The following KIF5C variants were observed in gnomAD, a reference collection of about 807,000 sequenced individuals.
The protein encoded by KIF5C is kinesin family member 5C, also known as kinesin heavy chain isoform 5C.
A neutral mutation model predicts 125.2 loss-of-function variants in KIF5C; 18 were observed. The observed-to-expected ratio is 0.14, with a 90% confidence interval of 0.10 to 0.21. The LOEUF is 0.21. KIF5C is among the 10% of genes least tolerant of loss of function. The probability of loss-of-function intolerance (pLI) is 1.00; values close to 1 mark genes in which losing one functional copy is unlikely to be tolerated. For synonymous variants in KIF5C, 405 were observed against 434.0 expected (o/e 0.93, Z 0.83); for missense variants, 780 against 1,183.8 (o/e 0.66, Z 5.01).
chr2:148,922,057 A>T (rs77279321), intron 1 of KIF5C, 80 bp from the exon 2 acceptor site: 21 of 896,746 alleles, frequency 2.3e-5, no homozygotes, highest in Non-Finnish European at 3.3e-5. Context: ...TGGCCTAGCT[A>T]CTAATGTTTG....
At position 148,875,603 on chromosome 2, in the gene KIF5C, C is replaced by A; in HGVS notation, c.-15C>A. On this transcript the variant is annotated 5_prime_UTR_variant, in exon 1 of 26. Transcript: ENST00000435030. ...CCCCACCCATCCCCGTGCCCCCTCC[C>A]TACCGCCGGCCGAGATGGCGGATCC... The A allele has an allele frequency of 6.5e-7, 1 of 1,540,112 alleles. No individual in the cohort carries two copies. The highest frequency in any genetic ancestry group is 2.5e-5 in the East Asian group (1 of 40,366).
intron 1 of KIF5C, 123 bp downstream of exon 1, chr2:148,875,866 G>T (rs1179647070): frequency 3.6e-6 from 5 of 1,374,514 alleles, no homozygotes; most frequent in Admixed American, 2.6e-5. Flanking sequence ...CTGGCCTCTC[G>T]GGTGGACCTG....
intron 15 of KIF5C, among the ~76,000 whole-genome samples, chr2:148,988,252 C>T (rs1160703995): frequency 6.6e-6 from 1 of 151,820 alleles, no homozygotes; most frequent in Non-Finnish European, 1.5e-5. Flanking sequence ...AGAAACCTCA[C>T]AGTTAAAACC....
At chr2:148,886,650 T>G (rs1487867846) in intron 1 of KIF5C, among the ~76,000 whole-genome samples, 3 of 152,192 alleles carry the variant, frequency 2.0e-5, no homozygotes, top group Non-Finnish European at 4.4e-5. Context: ...GTCATCATGA[T>G]AGCATCAAAT....
At chr2:148,957,598 A>C (rs1011514289) in intron 10 of KIF5C, among the ~76,000 whole-genome samples, 3 of 109,160 alleles carry the variant, frequency 2.7e-5, no homozygotes, top group Admixed American at 2.1e-4. Context: ...CTAGTAAAAA[A>C]AAAAAAAAAA....
At chr2:148,975,017 G>A (rs1254387309) in intron 12 of KIF5C, among the ~76,000 whole-genome samples, 1 of 152,250 alleles carries the variant, frequency 6.6e-6, no homozygotes, top group Non-Finnish European at 1.5e-5. Flanking sequence ...TCAGTTGGTA[G>A]CTGAAGAGCT....
chr2:148,997,437 T>C, intron 18 of KIF5C, 97 bp downstream of exon 18: 6 of 1,578,574 alleles, frequency 3.8e-6, no homozygotes, highest in Non-Finnish European at 4.3e-6. Context: ...TTCAGATCCG[T>C]ATATGGCAAG....
At chr2:148,980,450 C>T (rs113911286) in intron 13 of KIF5C, among the ~76,000 whole-genome samples, 17 of 152,170 alleles carry the variant, frequency 1.1e-4, no homozygotes, top group East Asian at 5.8e-4. Flanking sequence ...ATAATGAGAG[C>T]GTCGGCAAGC....
chr2:148,946,989 A>G lies in KIF5C; in HGVS notation c.680A>G (p.Lys227Arg). 1 of 1,613,284 alleles carries G rather than the reference A, an allele frequency of 6.2e-7. No homozygotes were observed. The highest frequency in any genetic ancestry group is 8.5e-7 in the Non-Finnish European group (1 of 1,179,706). Residue 227 changes from lysine (K) to arginine (R), a missense_variant, in exon 8 of 26, where the codon AAA (lysine) becomes AGA (arginine). Transcript: ENST00000435030. ...GAGACTGAAAAAAAACTCAGTGGGA[A>G]ACTTTATTTGGTTGATTTGGCTGGG... is the stretch of plus-strand genomic sequence containing the variant. ...NVETEKKLSGKLYLVDLAGSE... is the reference protein window; with the variant it reads ...NVETEKKLSGRLYLVDLAGSE...
At position 148,876,714 on chromosome 2, in the gene KIF5C, T is replaced by C. The variant is rs557970231; in HGVS notation, c.126+971T>C. ...GTAGTTCTTAAAGGAATCTGTCAGA[T>C]GAAACAAACCAGCTCGGTCCCCCGC... On this transcript the variant is annotated intron_variant, in intron 1 of 25. Transcript: ENST00000435030. The surrounding 1 kb of genome is among the most constrained non-coding windows in gnomAD (Gnocchi z 4.7). Among the ~76,000 whole-genome samples the C allele has an allele frequency of 1.9e-3, 290 of 152,180 alleles. No homozygotes were observed. Among genetic ancestry groups the C allele is most frequent in the Middle Eastern group, 0.014 (4 of 294 alleles).
At chr2:148,997,583 T>G in intron 18 of KIF5C, 1 of 580,554 alleles carries the variant, frequency 1.7e-6, no homozygotes, top group Non-Finnish European at 2.8e-6. Context: ...GTCTTCACCA[T>G]TCCTGATGAA....
At chr2:148,978,389 C>T (rs115129985) in intron 12 of KIF5C, among the ~76,000 whole-genome samples, 27 of 118,752 alleles carry the variant, frequency 2.3e-4, no homozygotes, top group Admixed American at 4.6e-4. Context: ...AACTTCCAAT[C>T]GAGAGGGAGG....
intron 17 of KIF5C, 59 bp from the exon 18 acceptor site, chr2:148,997,205 G>T: frequency 3.2e-6 from 5 of 1,557,970 alleles, no homozygotes; most frequent in South Asian, 2.4e-5. Flanking sequence ...TTTAATTTTT[G>T]CTTTTGGGTG....
intron 15 of KIF5C, among the ~76,000 whole-genome samples, chr2:148,987,116 T>C (rs527908596): frequency 6.6e-6 from 1 of 152,224 alleles, no homozygotes; most frequent in African/African-American, 2.4e-5. Flanking sequence ...AAGAAGCACT[T>C]TGAGGATGGG....
intron 15 of KIF5C, among the ~76,000 whole-genome samples, chr2:148,984,893 C>T (rs1274891357): frequency 6.6e-6 from 1 of 152,154 alleles, no homozygotes; most frequent in Non-Finnish European, 1.5e-5. Flanking sequence ...TGGGTTCAAC[C>T]AATTCATGTG....
At chr2:148,971,445 C>T (rs1239139314) in intron 11 of KIF5C, among the ~76,000 whole-genome samples, 3 of 152,092 alleles carry the variant, frequency 2.0e-5, no homozygotes, top group African/African-American at 7.2e-5. Flanking sequence ...TGGATGAAAT[C>T]CAGTCTGCAC....
At chr2:148,970,958 G>A (rs1160717374) in intron 11 of KIF5C, among the ~76,000 whole-genome samples, 1 of 152,166 alleles carries the variant, frequency 6.6e-6, no homozygotes, top group African/African-American at 2.4e-5. Flanking sequence ...ACCATGTTCT[G>A]GTTGGTGTCT....
intron 1 of KIF5C, among the ~76,000 whole-genome samples, chr2:148,921,748 C>T (rs1681794250): frequency 6.6e-6 from 1 of 152,200 alleles, no homozygotes; most frequent in South Asian, 2.1e-4. Flanking sequence ...TGCTTATTAG[C>T]TATCTGCTCA....
intron 25 of KIF5C, among the ~76,000 whole-genome samples, chr2:149,021,858 G>A (rs1682543601): frequency 6.6e-6 from 1 of 151,922 alleles, no homozygotes; most frequent in Non-Finnish European, 1.5e-5. Flanking sequence ...ATCCCCTAGA[G>A]TACCATGAGC....
Sources: allele counts gnomAD v4.1 joint callset (sites outside exome capture counted in the v4.1 genomes callset), GRCh38; gene constraint gnomAD v4.1.1; non-coding constraint Gnocchi (gnomAD v3.1); transcripts MANE v1.5; gene names NCBI Gene and HGNC (gene_info 2026-07-23, HGNC 2026-07-21).